Variants in BTBD9 observed in about 807,000 individuals in gnomAD.
BTBD9 encodes the protein BTB/POZ domain-containing protein 9.
Under a neutral mutation model 64.3 loss-of-function variants are expected in BTBD9, and 49 were observed. The ratio of observed to expected loss-of-function variants is 0.76; its 90% CI spans 0.61 to 0.97. BTBD9 has a LOEUF of 0.97. BTBD9 is among the 50% of genes least tolerant of loss of function. BTBD9 has a pLI of 0.00. For synonymous variants in BTBD9, 260 were observed against 274.7 expected (o/e 0.95, Z 0.53); for missense variants, 598 against 762.1 (o/e 0.78, Z 2.53).
At position 38,174,836 on chromosome 6, in the gene BTBD9, C is replaced by A; in HGVS notation, c.*149G>T. ...GCCCCTTTCTGTCCTTGGGAGAAAACCTGTTCGGTGTCTGCTTTTGCAGCT... is the reference window on the plus strand; with the variant it reads ...GCCCCTTTCTGTCCTTGGGAGAAAAACTGTTCGGTGTCTGCTTTTGCAGCT... On this transcript the variant is annotated 3_prime_UTR_variant, in exon 11 of 11. Coordinates refer to ENST00000481247, the MANE Select transcript of BTBD9 (RefSeq NM_001099272.2). 4 of 894,340 alleles carry A rather than the reference C, an allele frequency of 4.5e-6. No individual in the cohort carries two copies. Among genetic ancestry groups the A allele is most frequent in the Non-Finnish European group, 6.9e-6 (4 of 583,170 alleles). 55.4% of individuals were successfully genotyped at this position (894,340 alleles called of 1,614,324 possible).
intron 9 of BTBD9, among the ~76,000 whole-genome samples, chr6:38,199,258 T>C (rs1158296487): frequency 6.6e-6 from 1 of 151,946 alleles, no homozygotes; most frequent in East Asian, 1.9e-4. Flanking sequence ...ACCCCCCCAG[T>C]TCCCTTCCCT....
At chr6:38,538,937 C>T (rs1157003328) in intron 6 of BTBD9, among the ~76,000 whole-genome samples, 2 of 152,072 alleles carry the variant, frequency 1.3e-5, no homozygotes, top group East Asian at 3.9e-4. Context: ...GCACACACCA[C>T]CACATCCAGC....
chr6:38,351,689 T>TG, intron 6 of BTBD9, among the ~76,000 whole-genome samples: 1 of 151,872 alleles, frequency 6.6e-6, no homozygotes, highest in East Asian at 1.9e-4. Context: ...TTAGTAGAGA[T>TG]GGAGTTTCAC....
At chr6:38,187,801 G>T (rs189983841) in intron 10 of BTBD9, among the ~76,000 whole-genome samples, 1 of 152,196 alleles carries the variant, frequency 6.6e-6, no homozygotes, top group Non-Finnish European at 1.5e-5. Context: ...AAATGAATTC[G>T]TTGCTGCGGT....
intron 5 of BTBD9, among the ~76,000 whole-genome samples, chr6:38,578,726 G>T (rs913632605): frequency 6.6e-6 from 1 of 152,120 alleles, no homozygotes; most frequent in Non-Finnish European, 1.5e-5. Flanking sequence ...TTTGGCTTAA[G>T]ATTCTGAATT....
rs533407618 is a variant in BTBD9 at position 38,345,446 on chromosome 6, T to G, written c.1155-353A>C. On this transcript the variant is annotated intron_variant, in intron 6 of 10. Transcript: ENST00000481247. Reference sequence around the variant, plus strand: ...GAGAATAACAAATAGCTTCTGCTCTTGCCTTGTGGTTAGGAATGTGCTGGA... The same window carrying G: ...GAGAATAACAAATAGCTTCTGCTCTGGCCTTGTGGTTAGGAATGTGCTGGA... Among the ~76,000 whole-genome samples, 8 of 152,374 alleles carry G rather than the reference T, an allele frequency of 5.3e-5. No individual in the cohort carries two copies. In the South Asian group the frequency reaches 1.5e-3, roughly 28 times the overall value.
intron 6 of BTBD9, among the ~76,000 whole-genome samples, chr6:38,572,067 C>G (rs1334534936): frequency 6.6e-6 from 1 of 151,904 alleles, no homozygotes; most frequent in Non-Finnish European, 1.5e-5. Flanking sequence ...CACCTACCCC[C>G]CATCTCTGGC....
At chr6:38,397,441 GC>G (rs1441405154) in intron 6 of BTBD9, among the ~76,000 whole-genome samples, 1 of 152,166 alleles carries the variant, frequency 6.6e-6, no homozygotes, top group African/African-American at 2.4e-5. Flanking sequence ...GAAAGATGAC[GC>G]CCAGCTTTGT....
chr6:38,394,666 GA>G (rs869249005), intron 6 of BTBD9, among the ~76,000 whole-genome samples: 2,336 of 123,956 alleles, frequency 0.019, 17 homozygotes, highest in African/African-American at 0.034. Flanking sequence ...GTCTAGGGGG[GA>G]AAAAAAAAAA....
At chr6:38,609,982 G>A (rs1292464373) in intron 1 of BTBD9, among the ~76,000 whole-genome samples, 1 of 152,072 alleles carries the variant, frequency 6.6e-6, no homozygotes, top group South Asian at 2.1e-4. Flanking sequence ...AGGTACCTTA[G>A]AAATAAATAT....
intron 6 of BTBD9, among the ~76,000 whole-genome samples, chr6:38,532,921 T>C (rs1444798707): frequency 1.3e-5 from 2 of 151,676 alleles, no homozygotes; most frequent in African/African-American, 4.8e-5. Context: ...AGTACCACCT[T>C]GGCCACAGGC....
At chr6:38,296,287 A>G (rs1014734047) in intron 7 of BTBD9, among the ~76,000 whole-genome samples, 1 of 152,210 alleles carries the variant, frequency 6.6e-6, no homozygotes, top group South Asian at 2.1e-4. Flanking sequence ...ACTGGCATAC[A>G]ATATTTCACA....
Position 38,234,062 on chromosome 6 carries a change from G to A in BTBD9, c.1562+22347C>T, listed in dbSNP as rs1351072535. 2.0e-5 allele frequency among the ~76,000 whole-genome samples: 3 copies of A among 152,192 alleles called. No individual in the cohort carries two copies. In the South Asian group the frequency reaches 6.2e-4, roughly 32 times the overall value. ...CTAATGGATGTTAATATTTCATTAG[G>A]AAAAGGATTCCAGTCACGAGGTATG... On this transcript the variant is annotated intron_variant, in intron 9 of 10. Transcript: ENST00000481247.
intron 7 of BTBD9, among the ~76,000 whole-genome samples, chr6:38,313,514 G>T (rs1417729025): frequency 3.3e-5 from 5 of 152,064 alleles, no homozygotes; most frequent in Non-Finnish European, 7.4e-5. Flanking sequence ...CTAGCTGTGG[G>T]TCTGTTTTAT....
intron 6 of BTBD9, among the ~76,000 whole-genome samples, chr6:38,474,641 C>T (rs7775746): frequency 0.018 from 2,753 of 152,316 alleles, 73 homozygotes; most frequent in African/African-American, 0.062. Context: ...CCTAGCACAG[C>T]TCCTGGTTCA....
rs1411464253 is a variant in BTBD9, at chr6:38,171,469, A to G, written c.*3516T>C. The G allele has an allele frequency of 6.6e-6, 1 of 152,094 alleles. No individual in the cohort carries two copies. Among genetic ancestry groups the G allele is most frequent in the African/African-American group, 2.4e-5 (1 of 41,410 alleles). The allele number at this position is 152,094 out of a possible 1,614,324, so 9.4% of individuals were successfully genotyped here. ...AGTGACAATTTAAAGAGCAATTGAG[A>G]AGAGTCCCACATCCATCATGGCTTG... On this transcript the variant is annotated 3_prime_UTR_variant, in exon 11 of 11. Coordinates refer to ENST00000481247, the MANE Select transcript of BTBD9 (RefSeq NM_001099272.2).
At chr6:38,419,212 G>C (rs1767800259) in intron 6 of BTBD9, among the ~76,000 whole-genome samples, 1 of 152,130 alleles carries the variant, frequency 6.6e-6, no homozygotes, top group Non-Finnish European at 1.5e-5. Flanking sequence ...TCTAGGTGTT[G>C]ACCCTGTCTC....
At chr6:38,476,526 T>C (rs1770888398) in intron 6 of BTBD9, among the ~76,000 whole-genome samples, 1 of 152,242 alleles carries the variant, frequency 6.6e-6, no homozygotes, top group Admixed American at 6.5e-5. Context: ...AATTAATGAT[T>C]CATTTGAATC....
intron 7 of BTBD9, among the ~76,000 whole-genome samples, chr6:38,321,677 A>T (rs1763237832): frequency 6.6e-6 from 1 of 152,176 alleles, no homozygotes; most frequent in Non-Finnish European, 1.5e-5. Context: ...TCCTTAGACA[A>T]GAAAATGATG....
Sources: allele counts gnomAD v4.1 joint callset (sites outside exome capture counted in the v4.1 genomes callset), GRCh38; gene constraint gnomAD v4.1.1; transcripts MANE v1.5; gene names NCBI Gene and HGNC (gene_info 2026-07-23, HGNC 2026-07-21).